TRIM33: variants seen among roughly 807,000 people sequenced by gnomAD.
TRIM33 encodes the protein E3 ubiquitin-protein ligase TRIM33.
Under a neutral mutation model 125.4 loss-of-function variants are expected in TRIM33, and 20 were observed. That is an observed-to-expected ratio of 0.16 (90% confidence interval 0.11 to 0.23). The LOEUF is 0.23. Among genes scored for constraint, TRIM33 ranks in the 10% least tolerant of loss-of-function variants. TRIM33 has a pLI of 1.00. For missense variants in TRIM33, 920 were observed against 1,411.4 expected (o/e 0.65, Z 5.58); for synonymous variants, 564 against 513.9 (o/e 1.10, Z -1.32).
intron 11 of TRIM33, among the ~76,000 whole-genome samples, chr1:114,415,058 G>A (rs1046303874): frequency 7.1e-6 from 1 of 141,688 alleles, no homozygotes; most frequent in Admixed American, 7.5e-5. Context: ...GCAGTGGCAC[G>A]ATCACGGCTC....
intron 11 of TRIM33, among the ~76,000 whole-genome samples, chr1:114,418,765 C>CCCAACAAGCCCT: frequency 6.6e-6 from 1 of 152,200 alleles, no homozygotes; most frequent in Non-Finnish European, 1.5e-5. Flanking sequence ...TCCACCTGGA[C>CCCAACAAGCCCT]CCAACAAGCC....
intron 4 of TRIM33, among the ~76,000 whole-genome samples, chr1:114,446,680 T>TA (rs1476982250): frequency 6.6e-6 from 1 of 151,350 alleles, no homozygotes; most frequent in Non-Finnish European, 1.5e-5. Flanking sequence ...AAAAGAGAAA[T>TA]AAAAAACAAA....
At chr1:114,467,101 C>A (rs911865699) in intron 1 of TRIM33, among the ~76,000 whole-genome samples, 11 of 152,194 alleles carry the variant, frequency 7.2e-5, no homozygotes, top group Non-Finnish European at 1.5e-4. Context: ...ACAGCTCATG[C>A]TCTTAAGAAC....
In TRIM33 at chr1:114,464,051, G is replaced by A. The variant is rs534198909; in HGVS notation, c.645+219C>T. Among the ~76,000 whole-genome samples the A allele has an allele frequency of 3.3e-5, 5 of 152,250 alleles. No individual in the cohort carries two copies. In the East Asian group the frequency reaches 5.8e-4, roughly 18 times the overall value. On this transcript the variant is annotated intron_variant, in intron 2 of 19. Transcript: ENST00000358465. ...CCCTAAGTGCTGCGACAACAGGCGT[G>A]AGCCACCATGCCTGGCCCAAATTTG...
rs189677749 is a variant in TRIM33 at position 114,486,996 on chromosome 1, C to T, written c.527-22608G>A. Among the ~76,000 whole-genome samples, 290 of 150,298 alleles carry T rather than the reference C, an allele frequency of 1.9e-3. 1 individual carries two copies. Among genetic ancestry groups the T allele is most frequent in the African/African-American group, 6.9e-3 (280 of 40,856 alleles). The stretch of plus-strand genomic sequence containing the variant: ...CAGTTACTTGGGAGGCTGAAGCAGG[C>T]GAATCACTTGAACCCAGGAAATGGA... On this transcript the variant is annotated intron_variant, in intron 1 of 19. Transcript: ENST00000358465.
intron 4 of TRIM33, among the ~76,000 whole-genome samples, chr1:114,462,337 G>A (rs1323709131): frequency 1.3e-5 from 2 of 152,028 alleles, no homozygotes; most frequent in Admixed American, 6.5e-5. Context: ...AAATCATATC[G>A]TTAAGAAACA....
intron 1 of TRIM33, among the ~76,000 whole-genome samples, chr1:114,486,086 C>T (rs1358966907): frequency 1.3e-5 from 2 of 152,112 alleles, no homozygotes; most frequent in Non-Finnish European, 2.9e-5. Flanking sequence ...ACCAGCCTGG[C>T]CAACACGGTG....
intron 13 of TRIM33, among the ~76,000 whole-genome samples, chr1:114,407,712 A>T (rs556114205): frequency 6.6e-6 from 1 of 152,348 alleles, no homozygotes; most frequent in African/African-American, 2.4e-5. Flanking sequence ...TAACATATAT[A>T]ATGGATTAAA....
intron 1 of TRIM33, among the ~76,000 whole-genome samples, chr1:114,475,663 C>G (rs898067582): frequency 1.3e-5 from 2 of 150,930 alleles, no homozygotes; most frequent in Non-Finnish European, 2.9e-5. Flanking sequence ...GCCTGGGCAA[C>G]AGAGTAAGAC....
In TRIM33 at chr1:114,393,709, A is replaced by G. The variant is rs1651400663; in HGVS notation, c.*3939T>C. 1 of 213,452 alleles carries G rather than the reference A, an allele frequency of 4.7e-6. No individual in the cohort carries two copies. Among genetic ancestry groups the G allele is most frequent in the South Asian group, 1.9e-4 (1 of 5,358 alleles). 13.2% of individuals were successfully genotyped at this position (213,452 alleles called of 1,614,324 possible). A position where few individuals can be genotyped will look rare whatever the true frequency, so the allele number is the denominator to read the frequency against. ...AGTACGTGTTGAATCTGAAATGTCT[A>G]TGTAAACTGTGGCATATAAATTTTT... On this transcript the variant is annotated 3_prime_UTR_variant, in exon 20 of 20. Coordinates refer to ENST00000358465, the MANE Select transcript of TRIM33 (RefSeq NM_015906.4).
At chr1:114,463,601 C>T in intron 2 of TRIM33, 45 bp from the exon 3 acceptor site, 1 of 1,163,410 alleles carries the variant, frequency 8.6e-7, no homozygotes, top group Non-Finnish European at 1.2e-6. Context: ...TACATAAAAT[C>T]TAGATCTAAA....
At chr1:114,465,905 T>C (rs899060105) in intron 1 of TRIM33, among the ~76,000 whole-genome samples, 1 of 151,584 alleles carries the variant, frequency 6.6e-6, no homozygotes, top group Non-Finnish European at 1.5e-5. Context: ...CAGCCGGGTG[T>C]GGTGGCACGC....
At chr1:114,488,133 T>C (rs191050475) in intron 1 of TRIM33, among the ~76,000 whole-genome samples, 87 of 152,208 alleles carry the variant, frequency 5.7e-4, no homozygotes, top group African/African-American at 1.9e-3. Context: ...ACAAAGACTT[T>C]AAGTTACAAA....
chr1:114,397,219 G>C lies in TRIM33; in HGVS notation c.*429C>G, dbSNP rs561495338. 22 of 243,756 alleles carry C rather than the reference G, an allele frequency of 9.0e-5. No individual in the cohort carries two copies. Among genetic ancestry groups the C allele is most frequent in the Non-Finnish European group, 1.3e-4 (16 of 123,664 alleles). The allele number at this position is 243,756 out of a possible 1,614,324, so 15.1% of individuals were successfully genotyped here. ...ACCTGATATGTATGTGTGTGAAGGG[G>C]GAGGGTTAAAAGTTGTTTTAATAAC... On this transcript the variant is annotated 3_prime_UTR_variant, in exon 20 of 20. Coordinates refer to ENST00000358465, the MANE Select transcript of TRIM33 (RefSeq NM_015906.4).
chr1:114,493,411 T>C (rs1652186812), intron 1 of TRIM33, among the ~76,000 whole-genome samples: 1 of 152,204 alleles, frequency 6.6e-6, no homozygotes, highest in Non-Finnish European at 1.5e-5. Flanking sequence ...CTTACTATTT[T>C]TTCTTTAGTT....
intron 1 of TRIM33, among the ~76,000 whole-genome samples, chr1:114,471,470 C>T (rs1650646949): frequency 6.7e-6 from 1 of 149,958 alleles, no homozygotes; most frequent in South Asian, 2.1e-4. Flanking sequence ...AAGTGCCCTG[C>T]TAAATTTAAA....
intron 1 of TRIM33, among the ~76,000 whole-genome samples, chr1:114,496,068 T>A (rs1176341978): frequency 6.6e-6 from 1 of 152,226 alleles, no homozygotes; most frequent in Non-Finnish European, 1.5e-5. Context: ...TGAAATGCAG[T>A]GCTCTTATTA....
chr1:114,475,234 A>G (rs1175408413), intron 1 of TRIM33, among the ~76,000 whole-genome samples: 1 of 152,228 alleles, frequency 6.6e-6, no homozygotes, highest in African/African-American at 2.4e-5. Flanking sequence ...AAAAACAATG[A>G]GAAATATACT....
At position 114,397,534 on chromosome 1, in the gene TRIM33, G is replaced by T; in HGVS notation, c.*114C>A. On this transcript the variant is annotated 3_prime_UTR_variant, in exon 20 of 20. Transcript: ENST00000358465. Reference sequence around the variant, plus strand: ...AAGCTATCAGCTTCTTCAAGGAGGTGCCCACTGTAGGCAGGATATTCCAGC... The same window carrying T: ...AAGCTATCAGCTTCTTCAAGGAGGTTCCCACTGTAGGCAGGATATTCCAGC... 1.4e-6 allele frequency: 1 copy of T among 706,668 alleles called. No homozygotes were observed. The highest frequency in any genetic ancestry group is 1.8e-5 in the South Asian group (1 of 54,542). 43.8% of individuals were successfully genotyped at this position (706,668 alleles called of 1,614,324 possible). A position where few individuals can be genotyped will look rare whatever the true frequency, so the allele number is the denominator to read the frequency against.
Sources: gnomAD v4.1 joint callset for allele counts (sites outside exome capture counted in the v4.1 genomes callset) on GRCh38, gnomAD v4.1.1 for gene constraint, MANE v1.5 for transcripts, NCBI Gene and HGNC (gene_info 2026-07-23, HGNC 2026-07-21) for gene names.